Variants in PPP1R1C observed in about 807,000 individuals in gnomAD.
PPP1R1C encodes protein phosphatase 1 regulatory subunit 1C.
Under a neutral mutation model 17.4 loss-of-function variants are expected in PPP1R1C, and 15 were observed. That is an observed-to-expected ratio of 0.86 (90% CI 0.58 to 1.33). PPP1R1C has a LOEUF of 1.33. Among genes scored for constraint, PPP1R1C ranks in the 40% most tolerant of loss-of-function variants. The pLI, the probability that PPP1R1C is intolerant of heterozygous loss-of-function variation, is 0.00. For synonymous variants in PPP1R1C, 35 were observed against 43.1 expected, an observed-to-expected ratio of 0.81 and a Z score of 0.73; for missense variants, 143 against 130.0, an observed-to-expected ratio of 1.10 and a Z score of -0.48.
chr2:182,009,686 CA>C (rs1414655871), intron 2 of PPP1R1C, among the ~76,000 whole-genome samples: 1 of 151,978 alleles, frequency 6.6e-6, no homozygotes, highest in Non-Finnish European at 1.5e-5. Flanking sequence ...AGGTATCATT[CA>C]AGAAATATTT....
chr2:182,003,764 A>AT (rs200543674), intron 2 of PPP1R1C, among the ~76,000 whole-genome samples: 3,077 of 152,136 alleles, frequency 0.02, 48 homozygotes, highest in South Asian at 0.056. Context: ...AAATTTAATT[A>AT]TTAAAAAAAA....
intron 2 of PPP1R1C, among the ~76,000 whole-genome samples, chr2:181,997,622 A>T (rs1193856513): frequency 1.3e-5 from 2 of 152,208 alleles, no homozygotes; most frequent in African/African-American, 4.8e-5. Context: ...TTAAAAAGTA[A>T]AGAGTATTTT....
At chr2:182,074,143 A>G (rs567988181) in intron 4 of PPP1R1C, among the ~76,000 whole-genome samples, 126 of 148,334 alleles carry the variant, frequency 8.5e-4, no homozygotes, top group African/African-American at 3.0e-3. Flanking sequence ...CCGGGTTCAC[A>G]CCATTCTTCT....
intron 4 of PPP1R1C, among the ~76,000 whole-genome samples, chr2:182,104,061 C>G (rs1160615999): frequency 6.6e-6 from 1 of 152,122 alleles, no homozygotes; most frequent in Admixed American, 6.6e-5. Flanking sequence ...AGCACCATTC[C>G]TTATTTTCAT....
intron 4 of PPP1R1C, among the ~76,000 whole-genome samples, chr2:182,101,883 C>T (rs569559792): frequency 6.6e-6 from 1 of 152,290 alleles, no homozygotes; most frequent in Non-Finnish European, 1.5e-5. Flanking sequence ...TAGAAGAGAG[C>T]AGCTCAGGAA....
At chr2:182,004,148 C>T (rs372685433) in intron 2 of PPP1R1C, among the ~76,000 whole-genome samples, 2 of 152,210 alleles carry the variant, frequency 1.3e-5, no homozygotes, top group East Asian at 3.8e-4. Flanking sequence ...AAGTGTAATA[C>T]TTCTTCCAGT....
intron 2 of PPP1R1C, among the ~76,000 whole-genome samples, chr2:181,999,585 T>C (rs1685702416): frequency 6.6e-6 from 1 of 152,140 alleles, no homozygotes; most frequent in African/African-American, 2.4e-5. Flanking sequence ...ATAAGCAAGC[T>C]CCTCTTTGTA....
intron 2 of PPP1R1C, among the ~76,000 whole-genome samples, chr2:182,038,455 T>C (rs1687078966): frequency 6.6e-6 from 1 of 152,066 alleles, no homozygotes. Flanking sequence ...TTATATTTGT[T>C]TGATATTTTT....
chr2:182,120,260 G>GTT (rs1003827779), downstream of PPP1R1C, among the ~76,000 whole-genome samples: 1 of 152,008 alleles, frequency 6.6e-6, no homozygotes, highest in African/African-American at 2.4e-5. Flanking sequence ...TGTTCCATTG[G>GTT]TCTATATCTG....
chr2:182,010,341 TTTAA>T (rs1686053993), intron 2 of PPP1R1C, among the ~76,000 whole-genome samples: 1 of 152,010 alleles, frequency 6.6e-6, no homozygotes, highest in South Asian at 2.1e-4. Flanking sequence ...CTTTTACTTC[TTTAA>T]TTAAGTTTAT....
chr2:182,026,933 G>A (rs1686634766), intron 2 of PPP1R1C, among the ~76,000 whole-genome samples: 1 of 136,700 alleles, frequency 7.3e-6, no homozygotes, highest in Non-Finnish European at 1.6e-5. Flanking sequence ...CACATCCCTT[G>A]TAAGTTGGAT....
intron 4 of PPP1R1C, among the ~76,000 whole-genome samples, chr2:182,076,285 C>G (rs1206386501): frequency 7.8e-6 from 1 of 128,134 alleles, no homozygotes; most frequent in African/African-American, 2.9e-5. Context: ...AGCTCTGCCT[C>G]CCAGGTTCAC....
chr2:181,971,637 TG>T (rs2125133869), intron 1 of PPP1R1C, among the ~76,000 whole-genome samples: 1 of 152,242 alleles, frequency 6.6e-6, no homozygotes, highest in African/African-American at 2.4e-5. Context: ...CACCAGACCT[TG>T]CCAAGGAATT....
intron 4 of PPP1R1C, among the ~76,000 whole-genome samples, chr2:182,114,193 C>T (rs760031745): frequency 1.3e-5 from 2 of 152,110 alleles, no homozygotes; most frequent in Non-Finnish European, 2.9e-5. Context: ...GTTTTCCGCC[C>T]ATATGCAGCC....
chr2:182,099,576 G>C, intron 4 of PPP1R1C, among the ~76,000 whole-genome samples: 1 of 152,170 alleles, frequency 6.6e-6, no homozygotes, highest in East Asian at 1.9e-4. Context: ...AATATGTATG[G>C]CATCAAGAAT....
chr2:182,124,340 T>TG (rs1559103060), intron 5 of PPP1R1C, among the ~76,000 whole-genome samples: 8 of 129,836 alleles, frequency 6.2e-5, no homozygotes, highest in African/African-American at 2.6e-4. Flanking sequence ...TTTTTTTTTG[T>TG]TTTTTTTTTT....
intron 2 of PPP1R1C, among the ~76,000 whole-genome samples, chr2:182,014,289 A>G (rs1233281264): frequency 6.6e-6 from 1 of 152,182 alleles, no homozygotes; most frequent in African/African-American, 2.4e-5. Flanking sequence ...GTGATTCTTC[A>G]AGACTCATAG....
At position 181,968,403 on chromosome 2, in the gene PPP1R1C, G is replaced by T. The variant is rs57717273; in HGVS notation, n.112-6816G>T. On this transcript the variant is annotated intron_variant and non_coding_transcript_variant, in intron 1 of 5. Transcript: ENST00000464264. ...GGGTTGGGTTTATACGTTTATAGTTGTTATATCCTCTTGCTAAAATGGACC... is the reference window on the plus strand; with the variant it reads ...GGGTTGGGTTTATACGTTTATAGTTTTTATATCCTCTTGCTAAAATGGACC... Among the ~76,000 whole-genome samples the T allele has an allele frequency of 9.1e-3, 1,382 of 152,252 alleles. 22 individuals carry two copies. The highest frequency in any genetic ancestry group is 0.032 in the African/African-American group (1,315 of 41,552).
intron 4 of PPP1R1C, among the ~76,000 whole-genome samples, chr2:182,074,199 G>A (rs561310602): frequency 6.6e-5 from 10 of 151,782 alleles, no homozygotes; most frequent in Admixed American, 5.2e-4. Context: ...CCGCCATCAC[G>A]CCCGGCTAAT....
Sources: allele counts gnomAD v4.1 joint callset (sites outside exome capture counted in the v4.1 genomes callset), GRCh38; gene constraint gnomAD v4.1.1; transcripts MANE v1.5; gene names NCBI Gene and HGNC (gene_info 2026-07-23, HGNC 2026-07-21).